MED12L: variants seen among roughly 807,000 people sequenced by gnomAD.
The protein encoded by MED12L is mediator complex subunit 12L, also known as mediator of RNA polymerase II transcription subunit 12-like protein.
A neutral mutation model predicts 281.3 loss-of-function variants in MED12L; 60 were observed. That is an observed-to-expected ratio of 0.21 (90% CI 0.17 to 0.26). The LOEUF is 0.26. Among genes scored for constraint, MED12L ranks in the 10% least tolerant of loss-of-function variants. The pLI, the probability that MED12L is intolerant of heterozygous loss-of-function variation, is 1.00. For synonymous variants in MED12L, 974 were observed against 987.2 expected (o/e 0.99, Z 0.25); for missense variants, 2,146 against 2,680.9 (o/e 0.80, Z 4.41).
At chr3:151,278,091 TCCC>T (rs1387662127) in intron 16 of MED12L, among the ~76,000 whole-genome samples, 2 of 152,164 alleles carry the variant, frequency 1.3e-5, no homozygotes, top group Non-Finnish European at 2.9e-5. Context: ...CAGTATTGGA[TCCC>T]CATATTAGCA....
At chr3:151,397,183 T>C (rs999804573) in intron 39 of MED12L, among the ~76,000 whole-genome samples, 14 of 152,222 alleles carry the variant, frequency 9.2e-5, no homozygotes, top group African/African-American at 2.9e-4. Flanking sequence ...TAGTAAAAGC[T>C]CCACTTCATA....
chr3:151,114,603 A>T (rs1412181027), intron 2 of MED12L, among the ~76,000 whole-genome samples: 2 of 152,162 alleles, frequency 1.3e-5, no homozygotes, highest in African/African-American at 4.8e-5. Flanking sequence ...CATTACTCCA[A>T]CTGTTACTAG....
intron 11 of MED12L, among the ~76,000 whole-genome samples, chr3:151,168,490 G>T: frequency 6.6e-6 from 1 of 152,164 alleles, no homozygotes; most frequent in Non-Finnish European, 1.5e-5. Context: ...ATGTGCTCAG[G>T]ACTGAGAGTC....
intron 2 of MED12L, among the ~76,000 whole-genome samples, chr3:151,103,902 G>T (rs1418047206): frequency 6.6e-6 from 1 of 152,156 alleles, no homozygotes; most frequent in Non-Finnish European, 1.5e-5. Flanking sequence ...CTCAGCCTCA[G>T]TTTCTCACCC....
chr3:151,108,406 G>A (rs1176944919), intron 2 of MED12L, among the ~76,000 whole-genome samples: 4 of 152,148 alleles, frequency 2.6e-5, no homozygotes, highest in Non-Finnish European at 5.9e-5. Flanking sequence ...AACTGTAGGT[G>A]TTGCCTAGTA....
intron 44 of MED12L, among the ~76,000 whole-genome samples, chr3:151,432,224 G>A (rs1221664655): frequency 6.6e-6 from 1 of 152,194 alleles, no homozygotes; most frequent in Non-Finnish European, 1.5e-5. Flanking sequence ...GTTTCTGTAT[G>A]CATGTGCAGG....
intron 16 of MED12L, among the ~76,000 whole-genome samples, chr3:151,273,543 A>T (rs1741362933): frequency 6.6e-6 from 1 of 151,228 alleles, no homozygotes; most frequent in African/African-American, 2.4e-5. Flanking sequence ...GCCCGGCCTG[A>T]TTGTGTTCTT....
At chr3:151,285,491 G>GAA (rs983876225) in intron 16 of MED12L, among the ~76,000 whole-genome samples, 1 of 141,296 alleles carries the variant, frequency 7.1e-6, no homozygotes, top group Non-Finnish European at 1.6e-5. Flanking sequence ...CTGTCTCAAA[G>GAA]AAAAAAAAAA....
At chr3:151,105,456 G>T (rs1028799321) in intron 2 of MED12L, among the ~76,000 whole-genome samples, 1 of 152,048 alleles carries the variant, frequency 6.6e-6, no homozygotes. Flanking sequence ...ACCCCTCTCA[G>T]GTCACCCGGA....
chr3:151,435,615 C>T lies in MED12L; in HGVS notation c.*2811C>T, dbSNP rs1720067023. 1.5e-5 allele frequency: 1 copy of T among 68,358 alleles called. No homozygotes were observed. The highest frequency in any genetic ancestry group is 4.4e-5 in the African/African-American group (1 of 22,664). 4.2% of individuals were successfully genotyped at this position (68,358 alleles called of 1,614,324 possible). On this transcript the variant is annotated 3_prime_UTR_variant, in exon 45 of 45. Coordinates refer to ENST00000687756, the MANE Select transcript of MED12L (RefSeq NM_001393769.1). The stretch of plus-strand genomic sequence containing the variant: ...CATTTTTTTCCCATTTATAAAGCTC[C>T]TATAATTCTTAAGTAAGTACTAGGT...
chr3:151,190,969 C>T, intron 14 of MED12L, 38 bp downstream of exon 14: 14 of 1,564,334 alleles, frequency 8.9e-6, no homozygotes, highest in Non-Finnish European at 1.1e-5. Flanking sequence ...CCCCCAGAAA[C>T]TAAACTCTAC....
At chr3:151,122,434 C>T (rs544592237) in intron 3 of MED12L, among the ~76,000 whole-genome samples, 10 of 152,088 alleles carry the variant, frequency 6.6e-5, no homozygotes, top group Non-Finnish European at 8.8e-5. Flanking sequence ...TCTCTCCTGA[C>T]GGGTGCGTAG....
At chr3:151,198,433 A>T in intron 16 of MED12L, 1 of 1,601,066 alleles carries the variant, frequency 6.2e-7, no homozygotes, top group South Asian at 1.1e-5. Flanking sequence ...TCTTTTATGC[A>T]TTATTTTCAC....
intron 39 of MED12L, among the ~76,000 whole-genome samples, chr3:151,397,871 T>G (rs183076477): frequency 6.6e-6 from 1 of 152,322 alleles, no homozygotes; most frequent in Admixed American, 6.5e-5. Context: ...TTAGAGAATT[T>G]CCATTTATAT....
intron 16 of MED12L, among the ~76,000 whole-genome samples, chr3:151,250,632 C>T (rs904344438): frequency 4.6e-5 from 7 of 152,180 alleles, no homozygotes; most frequent in Middle Eastern, 3.4e-3. Flanking sequence ...AATAATATTC[C>T]GCTCTATGTA....
chr3:151,334,396 G>A (rs755789753), intron 16 of MED12L, among the ~76,000 whole-genome samples: 59 of 150,808 alleles, frequency 3.9e-4, no homozygotes, highest in Non-Finnish European at 7.2e-4. Context: ...CAAAATGATT[G>A]AAACACCTAG....
At chr3:151,350,958 A>G (rs1577404549) in intron 17 of MED12L, among the ~76,000 whole-genome samples, 1 of 152,224 alleles carries the variant, frequency 6.6e-6, no homozygotes, top group African/African-American at 2.4e-5. Context: ...TTTTAAATAT[A>G]TAATTAGGTA....
At position 151,165,438 on chromosome 3, in the gene MED12L, G is replaced by T. The variant is rs765477872; in HGVS notation, c.1276G>T (p.Glu426Ter). Residue 426 changes from glutamate to a stop codon, truncating the protein, a stop_gained, in exon 10 of 45, where the codon GAA (glutamate) becomes TAA (stop). Coordinates refer to ENST00000687756, the MANE Select transcript of MED12L (RefSeq NM_001393769.1). LOFTEE classifies it high-confidence loss of function. ...FNQQVRARIYEVEQQIKQRGR... is the reference protein window; with the variant it reads ...FNQQVRARIY ...CTTTCAGGTTCGGGCAAGGATTTATGAAGTAGAACAACAGATAAAACAAAG... is the reference window on the plus strand; with the variant it reads ...CTTTCAGGTTCGGGCAAGGATTTATTAAGTAGAACAACAGATAAAACAAAG... 6.2e-7 allele frequency: 1 copy of T among 1,613,916 alleles called. No homozygotes were observed. The highest frequency in any genetic ancestry group is 8.5e-7 in the Non-Finnish European group (1 of 1,179,824).
At chr3:151,205,189 T>G (rs555994119) in intron 16 of MED12L, among the ~76,000 whole-genome samples, 175 of 152,352 alleles carry the variant, frequency 1.1e-3, no homozygotes, top group Admixed American at 3.9e-3. Flanking sequence ...TGACTGTACT[T>G]AGTGTTCCGG....
Sources: gnomAD v4.1 joint callset for allele counts (sites outside exome capture counted in the v4.1 genomes callset) on GRCh38, gnomAD v4.1.1 for gene constraint, MANE v1.5 for transcripts, NCBI Gene and HGNC (gene_info 2026-07-23, HGNC 2026-07-21) for gene names.